MMP16: variants seen among roughly 807,000 people sequenced by gnomAD.
MMP16 encodes matrix metalloproteinase-16.
MMP16 carries 12 observed loss-of-function variants against 67.8 expected under a neutral mutation model. The observed-to-expected ratio is 0.18, with a 90% CI of 0.11 to 0.29. MMP16 has a LOEUF of 0.29. Ranked by LOEUF, MMP16 falls within the 10% of genes least tolerant of loss-of-function variation. MMP16 has a pLI of 1.00. For synonymous variants in MMP16, 249 were observed against 255.9 expected (o/e 0.97, Z 0.26); for missense variants, 475 against 765.7 (o/e 0.62, Z 4.48).
At chr8:88,135,332 C>A (rs1808100577) in intron 4 of MMP16, among the ~76,000 whole-genome samples, 1 of 151,798 alleles carries the variant, frequency 6.6e-6, no homozygotes, top group South Asian at 2.1e-4. Context: ...ATGCTGCAAG[C>A]ACAGTGGCTT....
At chr8:88,154,731 C>T (rs1454136840) in intron 4 of MMP16, among the ~76,000 whole-genome samples, 60 of 139,698 alleles carry the variant, frequency 4.3e-4, no homozygotes, top group Admixed American at 2.2e-3. Flanking sequence ...GTGGGGGGAG[C>T]GGGGAGGGAT....
chr8:88,206,512 G>A (rs1056412883), intron 1 of MMP16, among the ~76,000 whole-genome samples: 2 of 152,152 alleles, frequency 1.3e-5, no homozygotes, highest in East Asian at 1.9e-4. Context: ...GGGTGTGAGT[G>A]CGCCCTGCAA....
intron 1 of MMP16, among the ~76,000 whole-genome samples, chr8:88,266,237 T>C (rs1810475109): frequency 6.6e-6 from 1 of 152,182 alleles, no homozygotes; most frequent in Admixed American, 6.5e-5. Context: ...GTAAATAGAC[T>C]AATTTCCCTT....
intron 1 of MMP16, among the ~76,000 whole-genome samples, chr8:88,308,990 A>C (rs1426410208): frequency 1.3e-5 from 2 of 151,926 alleles, no homozygotes; most frequent in Admixed American, 1.3e-4. Flanking sequence ...AAAAAAAAAT[A>C]ATATTTTACC....
intron 1 of MMP16, among the ~76,000 whole-genome samples, chr8:88,289,571 A>G (rs938203449): frequency 2.0e-5 from 3 of 152,066 alleles, no homozygotes; most frequent in Non-Finnish European, 2.9e-5. Flanking sequence ...TTCATACAAA[A>G]ATTTACTTTA....
At chr8:88,163,479 G>A (rs953608474) in intron 4 of MMP16, among the ~76,000 whole-genome samples, 2 of 151,942 alleles carry the variant, frequency 1.3e-5, no homozygotes, top group African/African-American at 2.4e-5. Flanking sequence ...CAGCGTAACT[G>A]CAATGTATTC....
chr8:88,248,275 T>C (rs1810151913), intron 1 of MMP16, among the ~76,000 whole-genome samples: 2 of 151,992 alleles, frequency 1.3e-5, no homozygotes. Flanking sequence ...GATAAGAATT[T>C]TGGGTATATA....
chr8:88,181,061 A>G (rs1365733859), intron 3 of MMP16, among the ~76,000 whole-genome samples: 1 of 152,178 alleles, frequency 6.6e-6, no homozygotes, highest in East Asian at 1.9e-4. Flanking sequence ...CATCTAGTAA[A>G]GAATCTACAG....
chr8:88,313,604 T>G (rs1811332044), intron 1 of MMP16, among the ~76,000 whole-genome samples: 1 of 152,208 alleles, frequency 6.6e-6, no homozygotes, highest in African/African-American at 2.4e-5. Flanking sequence ...TTATGTATTT[T>G]CCATCAAATT....
At chr8:88,305,938 G>C (rs1281310526) in intron 1 of MMP16, among the ~76,000 whole-genome samples, 1 of 149,542 alleles carries the variant, frequency 6.7e-6, no homozygotes, top group Admixed American at 6.7e-5. Context: ...ATCAAGACTA[G>C]AGCTGAACTA....
chr8:88,131,715 CA>C lies in MMP16; in HGVS notation c.710-12855del, dbSNP rs746858474. ...CTGGTTTAGACTTTCCTATCCAACC[CA>C]TCTGTCACTATTCACCCACACGTAG... On this transcript the variant is annotated intron_variant, in intron 4 of 9. Transcript: ENST00000286614. Among the ~76,000 whole-genome samples, 65 of 151,772 alleles carry C rather than the reference CA, an allele frequency of 4.3e-4. 1 individual carries two copies. The highest frequency in any genetic ancestry group is 8.7e-4 in the Non-Finnish European group (59 of 67,832).
At chr8:88,294,245 C>A (rs1238690263) in intron 1 of MMP16, among the ~76,000 whole-genome samples, 1 of 149,500 alleles carries the variant, frequency 6.7e-6, no homozygotes. Flanking sequence ...CATATATATA[C>A]ACATATATAG....
intron 6 of MMP16, among the ~76,000 whole-genome samples, chr8:88,093,121 C>T (rs1488020931): frequency 6.6e-6 from 1 of 151,758 alleles, no homozygotes; most frequent in Non-Finnish European, 1.5e-5. Context: ...GACTTTAATA[C>T]TACCCAGGGG....
At chr8:88,292,647 A>T (rs1238682608) in intron 1 of MMP16, among the ~76,000 whole-genome samples, 1 of 152,228 alleles carries the variant, frequency 6.6e-6, no homozygotes, top group Non-Finnish European at 1.5e-5. Flanking sequence ...TAATGAAATA[A>T]GTTGTATCTA....
rs1353540538 is a variant in MMP16, at chr8:88,034,162, T to G, written c.*7299A>C. On this transcript the variant is annotated 3_prime_UTR_variant, in exon 10 of 10. Transcript: ENST00000286614. ...GAAAAATACTGAGGAACAAAGACAT[T>G]TCCTGGGTACCATCTCTGATGTACA... 1 of 151,854 alleles carries G rather than the reference T, an allele frequency of 6.6e-6. No homozygotes were observed. Among genetic ancestry groups the G allele is most frequent in the Non-Finnish European group, 1.5e-5 (1 of 67,890 alleles). The allele number at this position is 151,854 out of a possible 1,614,324, so 9.4% of individuals were successfully genotyped here.
chr8:88,192,587 G>A (rs992535951), intron 2 of MMP16, among the ~76,000 whole-genome samples: 4 of 152,114 alleles, frequency 2.6e-5, no homozygotes, highest in African/African-American at 9.7e-5. Context: ...ATAAAAAGAA[G>A]AACATCAATT....
At chr8:88,319,892 T>C (rs1235991428) in intron 1 of MMP16, among the ~76,000 whole-genome samples, 1 of 152,202 alleles carries the variant, frequency 6.6e-6, no homozygotes, top group Non-Finnish European at 1.5e-5. Flanking sequence ...CTTGAGAACA[T>C]TTATCTGTTC....
intron 1 of MMP16, among the ~76,000 whole-genome samples, chr8:88,280,110 A>G (rs1216900556): frequency 6.6e-6 from 1 of 152,160 alleles, no homozygotes; most frequent in East Asian, 1.9e-4. Context: ...TAGTTTTACA[A>G]CTTTCTGAGC....
chr8:88,160,139 A>C (rs957662513), intron 4 of MMP16, among the ~76,000 whole-genome samples: 1 of 151,724 alleles, frequency 6.6e-6, no homozygotes, highest in Admixed American at 6.6e-5. Context: ...ATCCCACAAC[A>C]GTTCCCAGAG....
Sources: gnomAD v4.1 joint callset for allele counts (sites outside exome capture counted in the v4.1 genomes callset) on GRCh38, gnomAD v4.1.1 for gene constraint, MANE v1.5 for transcripts, NCBI Gene and HGNC (gene_info 2026-07-23, HGNC 2026-07-21) for gene names.